The following TWIST2 variants were observed in gnomAD, a reference collection of about 807,000 sequenced individuals.
TWIST2 encodes twist family bHLH transcription factor 2, also known as twist-related protein 2.
TWIST2 carries 1 observed loss-of-function variant against 11.6 expected under a neutral mutation model. The ratio of observed to expected loss-of-function variants is 0.09; its 90% CI spans 0.03 to 0.41. The LOEUF is 0.41. TWIST2 is among the 10% of genes least tolerant of loss of function. The pLI, the probability that TWIST2 is intolerant of heterozygous loss-of-function variation, is 0.98. For missense variants in TWIST2, 168 were observed against 226.4 expected (o/e 0.74, Z 1.66); for synonymous variants, 87 against 96.6 (o/e 0.90, Z 0.58).
At position 238,867,413 on chromosome 2, in the gene TWIST2, T is replaced by A. The variant is rs139734422; in HGVS notation, c.*35+18680T>A. Among the ~76,000 whole-genome samples the A allele has an allele frequency of 0.28, 15,835 of 57,270 alleles. 1,211 individuals are homozygous for A. The highest frequency in any genetic ancestry group is 0.49 in the East Asian group (1,759 of 3,598). 37.6% of individuals were successfully genotyped at this position (57,270 alleles called of 152,430 possible). A position where few individuals can be genotyped will look rare whatever the true frequency, so the allele number is the denominator to read the frequency against. ...CACACACACACACACACACACACAC[T>A]CCTCAGTAAAATACCCAGTTCTCAC... is the stretch of plus-strand genomic sequence containing the variant. On this transcript the variant is annotated intron_variant, in intron 1 of 1. Coordinates refer to ENST00000612363, the MANE Select transcript of TWIST2 (RefSeq NM_001271893.4). This position sits in a 1 kb window ranked among gnomAD's most constrained non-coding sequence, Gnocchi z 4.8.
At chr2:238,873,108 A>G (rs1692738195) in intron 1 of TWIST2, among the ~76,000 whole-genome samples, 1 of 152,240 alleles carries the variant, frequency 6.6e-6, no homozygotes, top group Non-Finnish European at 1.5e-5. Flanking sequence ...GTTAGCAAAC[A>G]AAGAAGACAA....
chr2:238,881,717 AGCGT>A (rs1692938749), intron 1 of TWIST2, among the ~76,000 whole-genome samples: 2 of 152,032 alleles, frequency 1.3e-5, no homozygotes, highest in African/African-American at 4.8e-5. Context: ...GCCCCTCTTG[AGCGT>A]CTCTCACATC....
intron 1 of TWIST2, among the ~76,000 whole-genome samples, chr2:238,897,809 A>C (rs1003006334): frequency 0.38 from 58,416 of 152,092 alleles, 11,606 homozygotes; most frequent in East Asian, 0.52. Context: ...CTGGGAGCCT[A>C]CCCGGAGCCG....
chr2:238,907,841 C>G (rs1214172608), intron 1 of TWIST2, among the ~76,000 whole-genome samples: 1 of 3,044 alleles, frequency 3.3e-4, no homozygotes, highest in Non-Finnish European at 7.5e-4. Flanking sequence ...ACTACACACA[C>G]ACCCCCACAC....
At chr2:238,856,938 C>T (rs145549644) in intron 1 of TWIST2, among the ~76,000 whole-genome samples, 1 of 152,156 alleles carries the variant, frequency 6.6e-6, no homozygotes, top group Non-Finnish European at 1.5e-5. Flanking sequence ...TCCCAGGCAT[C>T]AACACTGCCC....
intron 1 of TWIST2, among the ~76,000 whole-genome samples, chr2:238,892,213 C>G (rs553812910): frequency 6.6e-6 from 1 of 152,080 alleles, no homozygotes; most frequent in Non-Finnish European, 1.5e-5. Context: ...CACCTCACGG[C>G]GGAACGCAGA....
chr2:238,889,792 CTTAATA>C (rs1336333478), intron 1 of TWIST2, among the ~76,000 whole-genome samples: 16 of 152,182 alleles, frequency 1.1e-4, no homozygotes, highest in African/African-American at 3.6e-4. Context: ...TTACAGATTT[CTTAATA>C]TTAAGTGAGC....
Position 238,848,137 on chromosome 2 carries a change from CTCGGCG to C in TWIST2, c.-78_-73del. ...TTTCCAGCAACTCCGAGAGCGTGTG[CTCGGCG>C]ACCGCGGGCTTGGCCAGCGGCGCGC... On this transcript the variant is annotated 5_prime_UTR_variant, in exon 1 of 2. Coordinates refer to ENST00000612363, the MANE Select transcript of TWIST2 (RefSeq NM_001271893.4). The C allele has an allele frequency of 8.9e-7, 1 of 1,122,816 alleles. No homozygotes were observed. Among genetic ancestry groups the C allele is most frequent in the Non-Finnish European group, 1.1e-6 (1 of 912,666 alleles). 69.6% of individuals were successfully genotyped at this position (1,122,816 alleles called of 1,614,324 possible).
At chr2:238,856,731 A>T (rs865780730) in intron 1 of TWIST2, among the ~76,000 whole-genome samples, 1 of 152,014 alleles carries the variant, frequency 6.6e-6, no homozygotes, top group Non-Finnish European at 1.5e-5. Flanking sequence ...GAGACCCGGC[A>T]CCTCTTCCTC....
chr2:238,867,069 C>T lies in TWIST2; in HGVS notation c.*35+18336C>T, dbSNP rs1559271739. ...CTGGCTGCCTTCCAAGCAGAACGCA[C>T]CTGGCAGCCTGGGGGTCTTGTGTTT... On this transcript the variant is annotated intron_variant, in intron 1 of 1. Coordinates refer to ENST00000612363, the MANE Select transcript of TWIST2 (RefSeq NM_001271893.4). The surrounding 1 kb of genome is among the most constrained non-coding windows in gnomAD (Gnocchi z 4.8). Among the ~76,000 whole-genome samples the T allele has an allele frequency of 6.6e-6, 1 of 152,124 alleles. No individual in the cohort carries two copies. The highest frequency in any genetic ancestry group is 6.5e-5 in the Admixed American group (1 of 15,276).
chr2:238,884,772 C>A (rs747441621), intron 1 of TWIST2, among the ~76,000 whole-genome samples: 2 of 152,230 alleles, frequency 1.3e-5, no homozygotes, highest in Non-Finnish European at 2.9e-5. Context: ...TCCCGCAGGT[C>A]AGGAGCACAG....
At chr2:238,881,699 C>T (rs1324136217) in intron 1 of TWIST2, among the ~76,000 whole-genome samples, 1 of 152,114 alleles carries the variant, frequency 6.6e-6, no homozygotes, top group African/African-American at 2.4e-5. Context: ...GTCTGCATCC[C>T]CATCTCGGCC....
At chr2:238,876,269 G>A (rs1160012576) in intron 1 of TWIST2, among the ~76,000 whole-genome samples, 1 of 152,202 alleles carries the variant, frequency 6.6e-6, no homozygotes, top group African/African-American at 2.4e-5. Flanking sequence ...GCTCAGAACT[G>A]TCCTTACTCC....
intron 1 of TWIST2, among the ~76,000 whole-genome samples, chr2:238,892,110 G>C (rs1433173591): frequency 6.6e-6 from 1 of 152,172 alleles, no homozygotes; most frequent in Non-Finnish European, 1.5e-5. Flanking sequence ...ACTCCCACCT[G>C]CCCTCGGGAC....
intron 1 of TWIST2, among the ~76,000 whole-genome samples, chr2:238,870,084 C>T (rs1345321097): frequency 1.7e-5 from 2 of 114,292 alleles, no homozygotes; most frequent in African/African-American, 3.7e-5. Flanking sequence ...ACAAACAAAA[C>T]GACAAAACGT....
At chr2:238,872,878 C>G (rs1692732701) in intron 1 of TWIST2, among the ~76,000 whole-genome samples, 1 of 152,194 alleles carries the variant, frequency 6.6e-6, no homozygotes, top group African/African-American at 2.4e-5. Flanking sequence ...GCTGCAGGGT[C>G]CTTCGTGTTG....
chr2:238,890,167 G>C (rs1194922906), intron 1 of TWIST2, among the ~76,000 whole-genome samples: 2 of 93,710 alleles, frequency 2.1e-5, no homozygotes, highest in Non-Finnish European at 4.2e-5. Flanking sequence ...CTCTGCACGT[G>C]GTCAGGGAGG....
chr2:238,897,417 A>G (rs929515081), intron 1 of TWIST2, among the ~76,000 whole-genome samples: 1 of 152,056 alleles, frequency 6.6e-6, no homozygotes. Context: ...CTTTTTACCA[A>G]GTGGGACCCC....
intron 1 of TWIST2, among the ~76,000 whole-genome samples, chr2:238,893,351 C>T (rs1044614118): frequency 1.3e-5 from 2 of 152,072 alleles, no homozygotes; most frequent in African/African-American, 2.4e-5. Flanking sequence ...AAAAGCTGGC[C>T]CTGGTTACAG....
Sources: gnomAD v4.1 joint callset for allele counts (sites outside exome capture counted in the v4.1 genomes callset) on GRCh38, gnomAD v4.1.1 for gene constraint, Gnocchi (gnomAD v3.1) non-coding constraint, MANE v1.5 for transcripts, NCBI Gene and HGNC (gene_info 2026-07-23, HGNC 2026-07-21) for gene names.